Variants in CFAP57 observed in about 807,000 individuals in gnomAD.
CFAP57 encodes the protein cilia- and flagella-associated protein 57.
Under a neutral mutation model 146.8 loss-of-function variants are expected in CFAP57, and 116 were observed. The observed-to-expected ratio is 0.79, with a 90% CI of 0.68 to 0.92. The LOEUF (loss-of-function observed/expected upper bound fraction) is 0.92. Among genes scored for constraint, CFAP57 ranks in the 40% least tolerant of loss-of-function variants. CFAP57 has a pLI of 0.00. For missense variants in CFAP57, 1,377 were observed against 1,527.2 expected (o/e 0.90, Z 1.64); for synonymous variants, 518 against 552.8 (o/e 0.94, Z 0.88).
Position 43,172,836 on chromosome 1 carries a change from A to G in CFAP57, c.83A>G (p.Gln28Arg). 6.2e-7 allele frequency: 1 copy of G among 1,614,158 alleles called. No individual in the cohort carries two copies. ...VANNIFYFDE[Q>R]IIIFPSGNHC... ...AACAATATCTTCTACTTCGATGAAC[A>G]GATCATTATATTTCCTTCAGGAAAT... Residue 28 changes from glutamine to arginine, a missense_variant, in exon 2 of 23, where the codon CAG (glutamine) becomes CGG (arginine). Gln to Arg is a conservative substitution (Grantham distance 43). Transcript: ENST00000372492.
At chr1:43,233,863 G>A (rs1362600195) in intron 19 of CFAP57, among the ~76,000 whole-genome samples, 1 of 152,164 alleles carries the variant, frequency 6.6e-6, no homozygotes, top group Non-Finnish European at 1.5e-5. Flanking sequence ...CTAACACGGG[G>A]GACGTGGAAG....
chr1:43,253,268 A>G (rs1570389900), intron 22 of CFAP57, among the ~76,000 whole-genome samples: 1 of 152,340 alleles, frequency 6.6e-6, no homozygotes, highest in East Asian at 1.9e-4. Context: ...TTCTCAGTTC[A>G]GTCCAAGATC....
At chr1:43,208,435 G>A (rs1004661677) in intron 10 of CFAP57, among the ~76,000 whole-genome samples, 15 of 152,118 alleles carry the variant, frequency 9.9e-5, no homozygotes, top group African/African-American at 3.1e-4. Context: ...AAAATGTGGC[G>A]CATATACACC....
intron 18 of CFAP57, 105 bp from the exon 19 acceptor site, chr1:43,232,403 C>T: frequency 1.1e-6 from 1 of 876,754 alleles, no homozygotes; most frequent in Non-Finnish European, 1.8e-6. Context: ...AAAAGAAATG[C>T]CCGGGTGTCA....
At chr1:43,223,033 G>T in intron 16 of CFAP57, 36 bp downstream of exon 16, 1 of 1,524,878 alleles carries the variant, frequency 6.6e-7, no homozygotes, top group Non-Finnish European at 8.8e-7. Context: ...TAGGGTGGGC[G>T]AGGGTGTTGC....
intron 18 of CFAP57, among the ~76,000 whole-genome samples, chr1:43,231,792 C>T (rs931794591): frequency 1.8e-4 from 28 of 152,028 alleles, no homozygotes; most frequent in Admixed American, 1.3e-3. Context: ...TGCTTAAACC[C>T]GGAGGCGGAG....
intron 22 of CFAP57, among the ~76,000 whole-genome samples, chr1:43,250,042 A>G (rs1427820848): frequency 6.6e-6 from 1 of 152,246 alleles, no homozygotes; most frequent in East Asian, 1.9e-4. Flanking sequence ...CGGTTTGTTT[A>G]GTAAAGATTT....
In CFAP57 at chr1:43,245,090, G is replaced by A. The variant is rs113403166; in HGVS notation, c.3538+1731G>A. 1.3e-3 allele frequency among the ~76,000 whole-genome samples: 195 copies of A among 152,146 alleles called. 1 individual carries two copies. The Middle Eastern group carries it at 0.014, about 11-fold the overall frequency. Reference sequence around the variant, plus strand: ...TTTGGGAGGCCAAGGCGAGCGGAACGCTTGTGCCCAGGGTTCAAGACTAGC... The same window carrying A: ...TTTGGGAGGCCAAGGCGAGCGGAACACTTGTGCCCAGGGTTCAAGACTAGC... On this transcript the variant is annotated intron_variant, in intron 22 of 22. Transcript: ENST00000372492.
chr1:43,202,556 G>A (rs1644172421), intron 9 of CFAP57, among the ~76,000 whole-genome samples: 2 of 152,102 alleles, frequency 1.3e-5, no homozygotes, highest in Admixed American at 1.3e-4. Context: ...GCTGAGGCAG[G>A]CGGATCCCTT....
chr1:43,244,585 G>A (rs1256027510), intron 22 of CFAP57, among the ~76,000 whole-genome samples: 4 of 152,156 alleles, frequency 2.6e-5, no homozygotes, highest in Non-Finnish European at 5.9e-5. Context: ...GGGTTGATGT[G>A]AGAGCATAGC....
At chr1:43,242,342 G>A (rs1645957279) in intron 21 of CFAP57, among the ~76,000 whole-genome samples, 2 of 152,190 alleles carry the variant, frequency 1.3e-5, no homozygotes. Flanking sequence ...CTCCTCAAGA[G>A]CAGAAGCTAA....
Position 43,227,116 on chromosome 1 carries a change from A to G in CFAP57, c.2999A>G (p.Gln1000Arg). The G allele has an allele frequency of 1.3e-6, 2 of 1,533,908 alleles. No homozygotes were observed. Among genetic ancestry groups the G allele is most frequent in the South Asian group, 2.5e-5 (2 of 81,070 alleles). Reference protein sequence around the residue: ...RENEIRVMKEQIQEMEAELEN... With the variant: ...RENEIRVMKERIQEMEAELEN... The stretch of plus-strand genomic sequence containing the variant: ...AATGAGATCAGGGTGATGAAGGAAC[A>G]GATTCAGGAGGTAAGAAGCCATTTG... Residue 1000 changes from glutamine to arginine, a missense_variant, in exon 18 of 23, where the codon CAG becomes CGG. Physicochemically the swap from Gln to Arg is conservative, Grantham distance 43. Coordinates refer to ENST00000372492, the MANE Select transcript of CFAP57 (RefSeq NM_001378189.1).
Position 43,181,662 on chromosome 1 carries a change from A to T in CFAP57, c.286A>T (p.Lys96Ter). The T allele has an allele frequency of 1.2e-6, 2 of 1,614,222 alleles. No individual in the cohort carries two copies. Among genetic ancestry groups the T allele is most frequent in the East Asian group, 4.5e-5 (2 of 44,890 alleles). Residue 96 changes from lysine (K) to a stop codon, truncating the protein, a stop_gained, in exon 3 of 23, where the codon AAG becomes TAG. Transcript: ENST00000372492. LOFTEE classifies it high-confidence loss of function. ...TGAATTGTCATCCATCCCTTGCCGG[A>T]AGCGCAAAGTTCTTAATAATTTTGA... ...IYELSSIPCRKRKVLNNFDFQ... is the reference protein window; with the variant it reads ...IYELSSIPCR
chr1:43,192,592 C>G (rs1205248129), intron 6 of CFAP57, among the ~76,000 whole-genome samples: 1 of 151,100 alleles, frequency 6.6e-6, no homozygotes, highest in Admixed American at 6.6e-5. Flanking sequence ...CATTGCACTC[C>G]AGCCTGGGCA....
intron 18 of CFAP57, among the ~76,000 whole-genome samples, chr1:43,227,867 C>T (rs1645314254): frequency 6.6e-6 from 1 of 152,228 alleles, no homozygotes; most frequent in South Asian, 2.1e-4. Context: ...GTCTATGATC[C>T]ACCCAGTTAC....
intron 19 of CFAP57, among the ~76,000 whole-genome samples, chr1:43,233,581 C>T (rs41509745): frequency 0.036 from 5,499 of 152,160 alleles, 133 homozygotes; most frequent in Admixed American, 0.045. Context: ...GAGCTATAAA[C>T]GAGAACTGAT....
Position 43,185,255 on chromosome 1 carries a change from G to GC in CFAP57, c.870dup (p.Tyr291LeufsTer18). On this transcript the variant is annotated frameshift_variant, in exon 5 of 23. Transcript: ENST00000372492. LOFTEE classifies it high-confidence loss of function. Reference sequence around the variant, plus strand: ...CATGCCCCAGGTGTTTGCCATTGCAGCCTATTCAAAGGGATTTGCCTGTTC... The same window carrying GC: ...CATGCCCCAGGTGTTTGCCATTGCAGCCCTATTCAAAGGGATTTGCCTGTTC... 6.2e-7 allele frequency: 1 copy of GC among 1,614,166 alleles called. No homozygotes were observed. The highest frequency in any genetic ancestry group is 1.3e-5 in the African/African-American group (1 of 75,034).
intron 7 of CFAP57, 107 bp from the exon 8 acceptor site, chr1:43,198,374 A>G: frequency 7.9e-7 from 1 of 1,259,510 alleles, no homozygotes. Context: ...AATTGCAAAC[A>G]GTAGTGTGTC....
chr1:43,210,896 A>G (rs915321025), intron 11 of CFAP57: 1 of 152,092 alleles, frequency 6.6e-6, no homozygotes, highest in Non-Finnish European at 1.5e-5. Flanking sequence ...ATGGTTGCCA[A>G]GAAATCATAG....
Sources: allele counts gnomAD v4.1 joint callset (sites outside exome capture counted in the v4.1 genomes callset), GRCh38; gene constraint gnomAD v4.1.1; transcripts MANE v1.5; gene names NCBI Gene and HGNC (gene_info 2026-07-23, HGNC 2026-07-21).